Variants in NIM1K observed in about 807,000 individuals in gnomAD.
NIM1K encodes serine/threonine-protein kinase NIM1.
In NIM1K, 35 loss-of-function variants were observed where a neutral mutation model predicts 37.1. That is an observed-to-expected ratio of 0.94 (90% confidence interval 0.72 to 1.25). The LOEUF (loss-of-function observed/expected upper bound fraction) is 1.25, where lower values mean the gene tolerates loss of function less well. NIM1K is among the 50% of genes most tolerant of loss of function. The probability of loss-of-function intolerance (pLI) is 0.00; values close to 1 mark genes in which losing one functional copy is unlikely to be tolerated. For synonymous variants in NIM1K, 234 were observed against 206.6 expected, an observed-to-expected ratio of 1.13 and a Z score of -1.14; for missense variants, 564 against 548.0, an observed-to-expected ratio of 1.03 and a Z score of -0.29.
chr5:43,233,269 T>C (rs1478091372), intron 1 of NIM1K: 1 of 512,730 alleles, frequency 2.0e-6, no homozygotes, highest in Non-Finnish European at 3.3e-6. Flanking sequence ...TAAGAGAACC[T>C]GCCTATTATT....
chr5:43,231,674 G>A (rs1379819276), intron 1 of NIM1K: 1 of 459,820 alleles, frequency 2.2e-6, no homozygotes, highest in Non-Finnish European at 4.1e-6. Flanking sequence ...AAGCATTCAT[G>A]TTTTAAAGCA....
intron 1 of NIM1K, chr5:43,232,490 T>G: frequency 3.3e-6 from 5 of 1,517,104 alleles, no homozygotes; most frequent in Non-Finnish European, 4.6e-6. Context: ...TATCAACCTA[T>G]TCAGTTTAGT....
intron 1 of NIM1K, among the ~76,000 whole-genome samples, chr5:43,212,888 G>A (rs1752223815): frequency 6.6e-6 from 1 of 152,152 alleles, no homozygotes; most frequent in African/African-American, 2.4e-5. Context: ...GCAAACAAAA[G>A]CAAATTTAGA....
chr5:43,208,518 G>A (rs924290356), intron 1 of NIM1K, among the ~76,000 whole-genome samples: 33 of 151,886 alleles, frequency 2.2e-4, no homozygotes, highest in African/African-American at 7.7e-4. Context: ...CAGGAGAATC[G>A]CTTGAACCAG....
chr5:43,210,627 G>T (rs1182957070), intron 1 of NIM1K, among the ~76,000 whole-genome samples: 1 of 152,210 alleles, frequency 6.6e-6, no homozygotes, highest in Admixed American at 6.5e-5. Context: ...TATGCAGGGG[G>T]AATGTCATGC....
Position 43,278,050 on chromosome 5 carries a change from C to CT in NIM1K, c.561+739dup, listed in dbSNP as rs1179740770. ...TTCCTTCCTTCCTTTCTTTCTGTTT[C>CT]TTTTTTTTTTTTTTAGACAGAGTCT... On this transcript the variant is annotated intron_variant, in intron 3 of 3. Transcript: ENST00000326035. Among the ~76,000 whole-genome samples, 746 of 126,420 alleles carry CT rather than the reference C, an allele frequency of 5.9e-3. 2 individuals are homozygous for CT. Among genetic ancestry groups the CT allele is most frequent in the African/African-American group, 0.016 (541 of 34,480 alleles). The allele number at this position is 126,420 out of a possible 152,430, so 82.9% of individuals were successfully genotyped here. A position where few individuals can be genotyped will look rare whatever the true frequency, so the allele number is the denominator to read the frequency against.
chr5:43,278,284 A>G (rs1353638799), intron 3 of NIM1K, among the ~76,000 whole-genome samples: 1 of 152,030 alleles, frequency 6.6e-6, no homozygotes, highest in Non-Finnish European at 1.5e-5. Flanking sequence ...ACCTCAAGCG[A>G]TCCACCTGCC....
intron 2 of NIM1K, among the ~76,000 whole-genome samples, chr5:43,267,576 T>A (rs1314905511): frequency 6.6e-6 from 1 of 152,200 alleles, no homozygotes; most frequent in Non-Finnish European, 1.5e-5. Flanking sequence ...GACTTTTTGA[T>A]GTAGGCATTT....
At chr5:43,214,493 G>C (rs902902247) in intron 1 of NIM1K, among the ~76,000 whole-genome samples, 2 of 152,066 alleles carry the variant, frequency 1.3e-5, no homozygotes, top group Non-Finnish European at 2.9e-5. Context: ...CCAATTACAT[G>C]AATAGTGACT....
intron 1 of NIM1K, among the ~76,000 whole-genome samples, chr5:43,235,537 T>C (rs1179397168): frequency 6.6e-6 from 1 of 152,238 alleles, no homozygotes; most frequent in Non-Finnish European, 1.5e-5. Flanking sequence ...ATTTTCTGTT[T>C]CATTCTATAC....
chr5:43,244,045 A>G (rs753705771), intron 1 of NIM1K, among the ~76,000 whole-genome samples: 3 of 152,212 alleles, frequency 2.0e-5, no homozygotes, highest in Non-Finnish European at 2.9e-5. Flanking sequence ...AGTACTGGGC[A>G]TCAACCTCCT....
chr5:43,207,720 G>A lies in NIM1K; in HGVS notation c.-695+15309G>A, dbSNP rs150768621. On this transcript the variant is annotated intron_variant, in intron 1 of 3. Coordinates refer to ENST00000326035, the MANE Select transcript of NIM1K (RefSeq NM_153361.4). ...TAGAACAGTTGCTCTATGAAGAATT[G>A]TTCTGCGGAATTCTCAAAGGAGATC... 9.7e-4 allele frequency: 477 copies of A among 490,786 alleles called. 6 individuals carry two copies. Among genetic ancestry groups the A allele is most frequent in the South Asian group, 7.5e-3 (419 of 55,712 alleles). The allele number at this position is 490,786 out of a possible 1,614,324, so 30.4% of individuals were successfully genotyped here.
chr5:43,214,825 A>AC (rs1480937609), intron 1 of NIM1K, among the ~76,000 whole-genome samples: 21,144 of 148,630 alleles, frequency 0.14, 1,879 homozygotes, highest in Middle Eastern at 0.23. Flanking sequence ...AAAAAAAAAA[A>AC]AAAAAACAAA....
chr5:43,198,338 G>T (rs375395658), intron 1 of NIM1K, among the ~76,000 whole-genome samples: 29 of 121,986 alleles, frequency 2.4e-4, no homozygotes, highest in Middle Eastern at 5.3e-3. Context: ...CTGTCTTTCT[G>T]TCTTTCTTTC....
chr5:43,256,897 G>A (rs959830464), intron 2 of NIM1K, among the ~76,000 whole-genome samples: 1 of 152,092 alleles, frequency 6.6e-6, no homozygotes, highest in Admixed American at 6.6e-5. Flanking sequence ...TCTTCTACTA[G>A]GGTTTTCTAG....
chr5:43,268,675 A>G (rs1753206706), intron 2 of NIM1K, among the ~76,000 whole-genome samples: 2 of 152,208 alleles, frequency 1.3e-5, no homozygotes, highest in African/African-American at 2.4e-5. Flanking sequence ...GCTGTCAATC[A>G]TTTATATCCA....
At chr5:43,274,520 G>A (rs1241724730) in intron 2 of NIM1K, among the ~76,000 whole-genome samples, 3 of 152,200 alleles carry the variant, frequency 2.0e-5, no homozygotes, top group Non-Finnish European at 4.4e-5. Flanking sequence ...TTCTGTTTCA[G>A]ATAAATAGGT....
chr5:43,258,444 CTT>C (rs747012000), intron 2 of NIM1K, among the ~76,000 whole-genome samples: 27 of 141,744 alleles, frequency 1.9e-4, no homozygotes, highest in Admixed American at 2.1e-4. Context: ...TTTTGGTAAA[CTT>C]TTTTTTTTTT....
chr5:43,268,994 C>T (rs1239321548), intron 2 of NIM1K, among the ~76,000 whole-genome samples: 3 of 151,818 alleles, frequency 2.0e-5, no homozygotes, highest in African/African-American at 4.8e-5. Context: ...GCTTTAAAGT[C>T]TGTTTTATTT....
Sources: allele counts gnomAD v4.1 joint callset (sites outside exome capture counted in the v4.1 genomes callset), GRCh38; gene constraint gnomAD v4.1.1; transcripts MANE v1.5; gene names NCBI Gene and HGNC (gene_info 2026-07-23, HGNC 2026-07-21).